BAZ2B: variants seen among roughly 807,000 people sequenced by gnomAD.
BAZ2B encodes the protein bromodomain adjacent to zinc finger domain 2B.
A neutral mutation model predicts 246.0 loss-of-function variants in BAZ2B; 91 were observed. The ratio of observed to expected loss-of-function variants is 0.37; its 90% confidence interval spans 0.31 to 0.44. The LOEUF (loss-of-function observed/expected upper bound fraction) is 0.44. Ranked by LOEUF, BAZ2B falls within the 20% of genes least tolerant of loss-of-function variation. The probability of loss-of-function intolerance (pLI) is 1.00; values close to 1 mark genes in which losing one functional copy is unlikely to be tolerated. For missense variants in BAZ2B, 2,332 were observed against 2,533.7 expected, an observed-to-expected ratio of 0.92 and a Z score of 1.71; for synonymous variants, 855 against 860.0, an observed-to-expected ratio of 0.99 and a Z score of 0.10.
chr2:159,660,718 G>T, the BAZ2B span, among the ~76,000 whole-genome samples: 5 of 152,154 alleles, frequency 3.3e-5, no homozygotes, highest in East Asian at 9.7e-4. Context: ...TCCTGCCTCA[G>T]CCTCCTGAGT....
chr2:159,436,337 T>C (rs1305447635), intron 8 of BAZ2B, among the ~76,000 whole-genome samples: 2 of 152,208 alleles, frequency 1.3e-5, no homozygotes, highest in African/African-American at 4.8e-5. Context: ...CTATATTTTA[T>C]CCCAATTACT....
rs73010618 is a variant in BAZ2B, at chr2:159,591,194, G to A, written c.-46+25048C>T. ...TATAACCATTACACAGAAATGAACA[G>A]TTCTTTTCCAACTATTAAGAAAGCT... On this transcript the variant is annotated intron_variant, in intron 1 of 36. Coordinates refer to ENST00000392783, the MANE Select transcript of BAZ2B (RefSeq NM_013450.4). Among the ~76,000 whole-genome samples the A allele has an allele frequency of 3.0e-3, 450 of 152,256 alleles. 1 individual carries two copies. Among genetic ancestry groups the A allele is most frequent in the African/African-American group, 0.01 (421 of 41,542 alleles).
the BAZ2B span, among the ~76,000 whole-genome samples, chr2:159,703,925 A>G: frequency 2.6e-5 from 4 of 152,170 alleles, no homozygotes; most frequent in East Asian, 7.7e-4. Flanking sequence ...CAATATTCAA[A>G]CTACAACAAT....
intron 27 of BAZ2B, among the ~76,000 whole-genome samples, chr2:159,371,072 T>C (rs905201073): frequency 6.6e-6 from 1 of 152,254 alleles, no homozygotes; most frequent in Non-Finnish European, 1.5e-5. Context: ...CCTCACAAAG[T>C]GCTGGGATTA....
intron 2 of BAZ2B, among the ~76,000 whole-genome samples, chr2:159,535,437 G>T (rs1042610940): frequency 6.6e-6 from 1 of 152,228 alleles, no homozygotes; most frequent in Non-Finnish European, 1.5e-5. Flanking sequence ...CAAAAGAACT[G>T]CTTGAACTCG....
chr2:159,621,864 G>C, the BAZ2B span, among the ~76,000 whole-genome samples: 1 of 152,100 alleles, frequency 6.6e-6, no homozygotes, highest in Non-Finnish European at 1.5e-5. Context: ...CCAGCACTTT[G>C]GGAGGCCGAG....
intron 1 of BAZ2B, among the ~76,000 whole-genome samples, chr2:159,591,174 C>T (rs983281904): frequency 6.6e-6 from 1 of 152,078 alleles, no homozygotes; most frequent in Admixed American, 6.6e-5. Flanking sequence ...AAAAGTATAA[C>T]CATTACACAG....
chr2:159,399,068 G>A (rs2064529691), intron 17 of BAZ2B, 174 bp from the exon 18 acceptor site: 1 of 507,500 alleles, frequency 2.0e-6, no homozygotes. Context: ...TAATAATTTT[G>A]TTTCTAATTT....
chr2:159,489,114 TG>T (rs2080167660), intron 2 of BAZ2B, among the ~76,000 whole-genome samples: 1 of 152,280 alleles, frequency 6.6e-6, no homozygotes, highest in Admixed American at 6.5e-5. Context: ...ATACTATCCA[TG>T]GATAGGTATT....
At chr2:159,560,388 A>T (rs2089704696) in intron 1 of BAZ2B, among the ~76,000 whole-genome samples, 1 of 152,198 alleles carries the variant, frequency 6.6e-6, no homozygotes, top group Admixed American at 6.5e-5. Flanking sequence ...ATACAATAAA[A>T]AAATTATTTT....
intron 1 of BAZ2B, among the ~76,000 whole-genome samples, chr2:159,606,787 T>C (rs1427690788): frequency 6.6e-6 from 1 of 152,180 alleles, no homozygotes; most frequent in Non-Finnish European, 1.5e-5. Context: ...GTAGTAATAA[T>C]GAAGTTAGGA....
rs1057158450 is a variant in BAZ2B, at chr2:159,590,523, T to G, written c.-46+25719A>C. 4.7e-5 allele frequency among the ~76,000 whole-genome samples: 7 copies of G among 150,466 alleles called. No individual in the cohort carries two copies. The East Asian group carries it at 1.2e-3, about 25-fold the overall frequency. ...GGAGAATTGCTTGAACCCGGGGGGG[T>G]GGAGGTTGCAGTGAGCCAAGATCGT... On this transcript the variant is annotated intron_variant, in intron 1 of 36. Transcript: ENST00000392783.
the BAZ2B span, among the ~76,000 whole-genome samples, chr2:159,625,510 G>T: frequency 6.6e-6 from 1 of 152,150 alleles, no homozygotes; most frequent in Non-Finnish European, 1.5e-5. Context: ...AGAAGAGAGT[G>T]GGGGCCAATA....
At chr2:159,430,475 G>C (rs1253197103) in intron 10 of BAZ2B, among the ~76,000 whole-genome samples, 1 of 152,178 alleles carries the variant, frequency 6.6e-6, no homozygotes, top group Non-Finnish European at 1.5e-5. Flanking sequence ...TTAAGTTTTT[G>C]AGGAGCCAAA....
intron 1 of BAZ2B, among the ~76,000 whole-genome samples, chr2:159,596,848 C>G (rs1204126570): frequency 6.6e-6 from 1 of 152,214 alleles, no homozygotes; most frequent in African/African-American, 2.4e-5. Flanking sequence ...ATCCAAGTTG[C>G]TGCAAATGCC....
intron 1 of BAZ2B, among the ~76,000 whole-genome samples, chr2:159,605,915 C>T (rs753029413): frequency 3.9e-5 from 6 of 152,120 alleles, no homozygotes; most frequent in Non-Finnish European, 7.3e-5. Flanking sequence ...CTTCCTGCAG[C>T]GGGAAGGGCA....
chr2:159,467,989 G>A (rs113020315), intron 3 of BAZ2B, among the ~76,000 whole-genome samples: 69 of 152,304 alleles, frequency 4.5e-4, no homozygotes, highest in African/African-American at 1.5e-3. Context: ...AAAATGTAAA[G>A]GGGAAATCTT....
intron 1 of BAZ2B, among the ~76,000 whole-genome samples, chr2:159,604,345 C>T (rs941761360): frequency 2.6e-5 from 4 of 152,010 alleles, no homozygotes; most frequent in Admixed American, 6.6e-5. Context: ...TGGCCTCCAG[C>T]GATGTTCCCA....
intron 1 of BAZ2B, among the ~76,000 whole-genome samples, chr2:159,614,105 G>A (rs1695318184): frequency 6.6e-6 from 1 of 152,100 alleles, no homozygotes; most frequent in Admixed American, 6.5e-5. Context: ...TAAATATGCT[G>A]ACTGAAAATG....
Sources: allele counts gnomAD v4.1 joint callset (sites outside exome capture counted in the v4.1 genomes callset), GRCh38; gene constraint gnomAD v4.1.1; transcripts MANE v1.5; gene names NCBI Gene and HGNC (gene_info 2026-07-23, HGNC 2026-07-21).